CFAP47: variants seen among roughly 807,000 people sequenced by gnomAD.
CFAP47 encodes cilia and flagella associated protein 47, also known as cilia- and flagella-associated protein 47.
CFAP47 carries 29 observed loss-of-function variants against 148.1 expected under a neutral mutation model. That is an observed-to-expected ratio of 0.20 (90% CI 0.15 to 0.27). The LOEUF (loss-of-function observed/expected upper bound fraction) is 0.27. Ranked by LOEUF, CFAP47 falls within the 10% of genes least tolerant of loss-of-function variation. The pLI is 1.00. For missense variants in CFAP47, 1,872 were observed against 1,697.5 expected (o/e 1.10, Z -1.81); for synonymous variants, 664 against 577.3 (o/e 1.15, Z -2.15).
At chrX:36,273,384 G>A (rs1434820669) in intron 49 of CFAP47, among the ~76,000 whole-genome samples, 1 of 111,090 alleles carries the variant, frequency 9.0e-6, no homozygotes, top group Non-Finnish European at 1.9e-5. Flanking sequence ...AAACATAATG[G>A]GTTTAATTGC....
At position 36,104,544 on chromosome X, in the gene CFAP47, C is replaced by T; in HGVS notation, c.5173C>T (p.Pro1725Ser). The change falls in exon 33 of 64, where the codon CCC (proline) becomes TCC (serine). Residue 1725 changes from proline (P) to serine (S), a missense_variant. By Grantham distance (74) the Pro-to-Ser change is moderately conservative. Transcript: ENST00000378653. ...AGTGCCATACTGCAGCAATAATATG[C>T]CCCCCATATGTGTGCAAAATACACC... ...RVVPYCSNNM[P>S]PICVQNTPKV... The T allele has an allele frequency of 3.1e-6, 3 of 976,753 alleles. No individual in the cohort carries two copies. The highest frequency in any genetic ancestry group is 4.2e-6 in the Non-Finnish European group (3 of 713,612). 80.5% of individuals were successfully genotyped at this position (976,753 alleles called of 1,213,427 possible). A position where few individuals can be genotyped will look rare whatever the true frequency, so the allele number is the denominator to read the frequency against.
At chrX:36,337,644 TAGAGGCAAAAC>T (rs782559845) in intron 57 of CFAP47, among the ~76,000 whole-genome samples, 1 of 111,472 alleles carries the variant, frequency 9.0e-6, no homozygotes, top group East Asian at 2.8e-4. Context: ...ATTAAGAATA[TAGAGGCAAAAC>T]AGAGGCAAAT....
At chrX:36,044,452 A>T (rs761035236) in intron 25 of CFAP47, among the ~76,000 whole-genome samples, 6 of 112,759 alleles carry the variant, frequency 5.3e-5, no homozygotes, top group Non-Finnish European at 1.1e-4. Context: ...CTTTCAGAAT[A>T]AGCCTGGTTA....
In CFAP47 at chrX:35,967,838, A is replaced by G. The variant is rs1228961459; in HGVS notation, c.1814+6A>G. On this transcript the variant is annotated splice_donor_region_variant and intron_variant, in intron 10 of 63. Coordinates refer to ENST00000378653, the MANE Select transcript of CFAP47 (RefSeq NM_001304548.2). ...GACCATCATAAACATTTCAGGTAAC[A>G]TGAAATATTAAAACCCTGAAATTTG... is the stretch of plus-strand genomic sequence containing the variant. The G allele has an allele frequency of 4.3e-6, 5 of 1,171,244 alleles. No homozygotes were observed. The highest frequency in any genetic ancestry group is 3.7e-5 in the South Asian group (2 of 53,444).
At chrX:36,038,891 C>T (rs1601942957) in intron 24 of CFAP47, 93 bp from the exon 25 acceptor site, 2 of 419,229 alleles carry the variant, frequency 4.8e-6, no homozygotes, top group African/African-American at 2.6e-5. Flanking sequence ...GTAACATCAT[C>T]GTACATTTTG....
At chrX:36,365,391 A>C (rs782170142) in intron 61 of CFAP47, among the ~76,000 whole-genome samples, 98 of 110,660 alleles carry the variant, frequency 8.9e-4, no homozygotes, top group African/African-American at 3.0e-3. Context: ...CCTTATATAC[A>C]TCACTTCTTG....
At chrX:36,006,406 C>G (rs746024872) in intron 21 of CFAP47, among the ~76,000 whole-genome samples, 1 of 111,617 alleles carries the variant, frequency 9.0e-6, no homozygotes, top group South Asian at 3.7e-4. Context: ...CATATCAACT[C>G]CTGCAGAGAC....
At chrX:36,371,252 C>CA (rs1298451351) in intron 62 of CFAP47, among the ~76,000 whole-genome samples, 1 of 110,548 alleles carries the variant, frequency 9.0e-6, no homozygotes, top group African/African-American at 3.3e-5. Flanking sequence ...ATGAATTACA[C>CA]AAAAAACTAT....
At chrX:36,215,492 G>A (rs1555990082) in intron 45 of CFAP47, among the ~76,000 whole-genome samples, 1 of 109,669 alleles carries the variant, frequency 9.1e-6, no homozygotes, top group African/African-American at 3.3e-5. Flanking sequence ...TCTGATGCAA[G>A]ATATAGGTCA....
rs766460768 is a variant in CFAP47, at chrX:36,010,690, C to T, written c.3418-4084C>T. ...AACCAGGATGGTCTCGATCTCCTGA[C>T]CTCGTGATCCAACCATCTTGGCCTC... On this transcript the variant is annotated intron_variant, in intron 21 of 63. Transcript: ENST00000378653. Among the ~76,000 whole-genome samples the T allele has an allele frequency of 9.0e-5, 10 of 111,236 alleles. No individual in the cohort carries two copies. In the East Asian group the frequency reaches 2.5e-3, roughly 28 times the overall value.
At chrX:35,940,502 G>C (rs377084492) in intron 2 of CFAP47, among the ~76,000 whole-genome samples, 26 of 111,357 alleles carry the variant, frequency 2.3e-4, no homozygotes, top group African/African-American at 8.1e-4. Context: ...TGTCCTCAGA[G>C]GTCAACTGTC....
At chrX:35,954,660 A>C (rs1490937513) in intron 7 of CFAP47, among the ~76,000 whole-genome samples, 1 of 111,807 alleles carries the variant, frequency 8.9e-6, no homozygotes, top group Non-Finnish European at 1.9e-5. Flanking sequence ...TTAGTGAAAA[A>C]ATGCAAACTC....
intron 26 of CFAP47, among the ~76,000 whole-genome samples, 170 bp from the exon 27 acceptor site, chrX:36,065,473 A>T (rs757731312): frequency 6.7e-4 from 75 of 112,334 alleles, no homozygotes; most frequent in African/African-American, 2.3e-3. Flanking sequence ...AGAAGTAAAA[A>T]TTTTAAAAAT....
intron 21 of CFAP47, among the ~76,000 whole-genome samples, chrX:36,014,476 A>G (rs960887476): frequency 1.8e-5 from 2 of 111,392 alleles, no homozygotes. Flanking sequence ...CCCAAGGATT[A>G]CAAGGATTTT....
chrX:36,356,284 T>C (rs1203236301), intron 60 of CFAP47, among the ~76,000 whole-genome samples: 2 of 111,697 alleles, frequency 1.8e-5, no homozygotes, highest in Admixed American at 1.9e-4. Context: ...TTTTCTCTGC[T>C]CTCTGCTCAA....
intron 45 of CFAP47, chrX:36,211,046 G>A (rs1207535744): frequency 1.2e-5 from 2 of 160,997 alleles, no homozygotes; most frequent in African/African-American, 3.1e-5. Flanking sequence ...TAGAGACAGT[G>A]CCAGGGCAGG....
At chrX:36,376,240 A>T (rs1479264205) in intron 62 of CFAP47, among the ~76,000 whole-genome samples, 2 of 112,000 alleles carry the variant, frequency 1.8e-5, no homozygotes, top group African/African-American at 6.5e-5. Flanking sequence ...GTATATTTCT[A>T]TTTAGAGAGA....
intron 2 of CFAP47, among the ~76,000 whole-genome samples, chrX:35,931,307 G>A (rs1201595330): frequency 1.8e-5 from 2 of 110,947 alleles, no homozygotes; most frequent in Admixed American, 1.9e-4. Context: ...TTCTTGCACT[G>A]AAGCCTCTAG....
At chrX:36,117,841 C>G (rs969208398) in intron 33 of CFAP47, among the ~76,000 whole-genome samples, 12 of 111,516 alleles carry the variant, frequency 1.1e-4, no homozygotes, top group Admixed American at 7.6e-4. Flanking sequence ...TACAGTTTTC[C>G]TTAAGTTTTT....
Sources: gnomAD v4.1 joint callset for allele counts (sites outside exome capture counted in the v4.1 genomes callset) on GRCh38, gnomAD v4.1.1 for gene constraint, MANE v1.5 for transcripts, NCBI Gene and HGNC (gene_info 2026-07-23, HGNC 2026-07-21) for gene names.